Variants in WWOX observed in about 807,000 individuals in gnomAD.
WWOX encodes the protein WW domain-containing oxidoreductase.
Under a neutral mutation model 46.2 loss-of-function variants are expected in WWOX, and 69 were observed. That is an observed-to-expected ratio of 1.49 (90% confidence interval 1.23 to 1.82). The LOEUF (loss-of-function observed/expected upper bound fraction) is 1.82. Among genes scored for constraint, WWOX ranks in the 40% most tolerant of loss-of-function variants. The pLI is 0.00. For synonymous variants in WWOX, 359 were observed against 202.6 expected, an observed-to-expected ratio of 1.77 and a Z score of -6.56; for missense variants, 919 against 542.6, an observed-to-expected ratio of 1.69 and a Z score of -6.89.
At chr16:78,698,127 G>C (rs1029916054) in intron 8 of WWOX, among the ~76,000 whole-genome samples, 5 of 152,150 alleles carry the variant, frequency 3.3e-5, no homozygotes, top group African/African-American at 1.2e-4. Flanking sequence ...GGCATCTTGA[G>C]GTTTCTCTTC....
intron 8 of WWOX, among the ~76,000 whole-genome samples, chr16:79,102,636 T>TA (rs1814576747): frequency 1.3e-5 from 2 of 152,002 alleles, no homozygotes; most frequent in African/African-American, 4.8e-5. Flanking sequence ...AAGAAACATA[T>TA]ATACAGTGCC....
At chr16:78,723,098 T>C (rs1289889815) in intron 8 of WWOX, among the ~76,000 whole-genome samples, 1 of 152,156 alleles carries the variant, frequency 6.6e-6, no homozygotes. Context: ...TTAAACTACC[T>C]TAAGGCTGAT....
intron 8 of WWOX, among the ~76,000 whole-genome samples, chr16:79,061,390 G>A (rs181476768): frequency 5.1e-4 from 78 of 152,302 alleles, no homozygotes; most frequent in Middle Eastern, 6.8e-3. Context: ...GCAGTTCCAC[G>A]ATCCACTTGG....
chr16:78,753,473 T>C (rs890952529), intron 8 of WWOX, among the ~76,000 whole-genome samples: 3 of 152,026 alleles, frequency 2.0e-5, no homozygotes, highest in Non-Finnish European at 2.9e-5. Flanking sequence ...GCAGCAAATA[T>C]TACTGCAGAG....
chr16:78,402,547 C>A (rs1038547352), intron 6 of WWOX, among the ~76,000 whole-genome samples: 2 of 152,020 alleles, frequency 1.3e-5, no homozygotes, highest in Non-Finnish European at 2.9e-5. Context: ...TCAGCACTTC[C>A]CCCAAGCTCA....
chr16:79,144,493 C>G (rs1022091451), intron 8 of WWOX, among the ~76,000 whole-genome samples: 1 of 152,240 alleles, frequency 6.6e-6, no homozygotes, highest in South Asian at 2.1e-4. Flanking sequence ...CCTGGCTTCA[C>G]GCTTGCCTCC....
intron 8 of WWOX, among the ~76,000 whole-genome samples, chr16:79,123,155 C>A (rs993720854): frequency 2.0e-5 from 3 of 151,940 alleles, no homozygotes; most frequent in African/African-American, 7.3e-5. Context: ...AACAGAGTAC[C>A]CACTAGTGAG....
At chr16:78,612,883 G>A (rs888323833) in intron 8 of WWOX, among the ~76,000 whole-genome samples, 3 of 152,152 alleles carry the variant, frequency 2.0e-5, no homozygotes, top group Non-Finnish European at 4.4e-5. Flanking sequence ...AGTCCCTTAG[G>A]GTAACATGAG....
intron 8 of WWOX, among the ~76,000 whole-genome samples, chr16:78,634,700 T>C (rs2046521739): frequency 2.3e-5 from 3 of 129,018 alleles, no homozygotes; most frequent in Admixed American, 2.2e-4. Flanking sequence ...AGCAAGACTC[T>C]GTGTTAAAAA....
chr16:78,107,674 A>G (rs1018789156), intron 1 of WWOX, among the ~76,000 whole-genome samples: 1 of 152,166 alleles, frequency 6.6e-6, no homozygotes, highest in Non-Finnish European at 1.5e-5. Flanking sequence ...ATCTGTGGAA[A>G]GAATAAACAT....
chr16:79,129,759 G>A (rs2049837557), intron 8 of WWOX, among the ~76,000 whole-genome samples: 1 of 152,086 alleles, frequency 6.6e-6, no homozygotes, highest in African/African-American at 2.4e-5. Flanking sequence ...TCCATGCATT[G>A]AATTATCTAG....
intron 5 of WWOX, among the ~76,000 whole-genome samples, chr16:78,375,361 G>A (rs1030582666): frequency 2.6e-5 from 4 of 152,200 alleles, no homozygotes; most frequent in Admixed American, 6.5e-5. Context: ...ATGGTAAGTT[G>A]TTGCTGCCAC....
intron 8 of WWOX, among the ~76,000 whole-genome samples, chr16:78,616,661 TGGAA>T (rs2046032904): frequency 6.6e-6 from 1 of 151,954 alleles, no homozygotes; most frequent in East Asian, 1.9e-4. Flanking sequence ...CCCAGCCACT[TGGAA>T]GGGTGAGGCA....
chr16:78,699,673 A>C lies in WWOX; in HGVS notation c.1056+266921A>C, dbSNP rs1180579538. ...GTGATTTTAAAAAGGAGAGTCAGCT[A>C]TTCCCTCTTCTGCCCGCTGATATCT... On this transcript the variant is annotated intron_variant, in intron 8 of 8. Transcript: ENST00000566780. Among the ~76,000 whole-genome samples, 3 of 152,336 alleles carry C rather than the reference A, an allele frequency of 2.0e-5. No homozygotes were observed. The South Asian group carries it at 6.2e-4, about 32-fold the overall frequency.
At chr16:78,279,016 T>C (rs2079630402) in intron 5 of WWOX, among the ~76,000 whole-genome samples, 1 of 152,192 alleles carries the variant, frequency 6.6e-6, no homozygotes, top group Non-Finnish European at 1.5e-5. Context: ...TTACTTGGGA[T>C]AGTAACAAGT....
intron 8 of WWOX, chr16:79,196,578 C>G (rs2051244715): frequency 6.6e-6 from 1 of 152,200 alleles, no homozygotes; most frequent in Non-Finnish European, 1.5e-5. Flanking sequence ...GATTTCCAAT[C>G]CCATAAGCAG....
intron 8 of WWOX, among the ~76,000 whole-genome samples, chr16:78,656,427 A>G (rs867633493): frequency 1.1e-4 from 16 of 152,200 alleles, no homozygotes; most frequent in African/African-American, 3.4e-4. Context: ...TCCGCAGGCC[A>G]TACAGGAAGC....
chr16:78,473,391 A>G (rs533095815), intron 8 of WWOX, among the ~76,000 whole-genome samples: 20 of 151,546 alleles, frequency 1.3e-4, no homozygotes, highest in Non-Finnish European at 2.5e-4. Context: ...CAGCCTCCCA[A>G]AGTGCTAGGA....
At position 78,439,732 on chromosome 16, in the gene WWOX, A is replaced by G. The variant is rs1007550337; in HGVS notation, c.1056+6980A>G. ...CACTTAAAGGTGGCTGAAATAATAG[A>G]GGTTTTGCTTCCCATGTATCCAGAG... On this transcript the variant is annotated intron_variant, in intron 8 of 8. Coordinates refer to ENST00000566780, the MANE Select transcript of WWOX (RefSeq NM_016373.4). Among the ~76,000 whole-genome samples, 32 of 152,298 alleles carry G rather than the reference A, an allele frequency of 2.1e-4. 1 individual carries two copies. The highest frequency in any genetic ancestry group is 9.6e-4 in the East Asian group (5 of 5,188).
Sources: gnomAD v4.1 joint callset for allele counts (sites outside exome capture counted in the v4.1 genomes callset) on GRCh38, gnomAD v4.1.1 for gene constraint, MANE v1.5 for transcripts, NCBI Gene and HGNC (gene_info 2026-07-23, HGNC 2026-07-21) for gene names.